ZNF407: variants seen among roughly 807,000 people sequenced by gnomAD.
The protein encoded by ZNF407 is zinc finger protein 407.
Under a neutral mutation model 131.2 loss-of-function variants are expected in ZNF407, and 17 were observed. That is an observed-to-expected ratio of 0.13 (90% CI 0.09 to 0.19). The LOEUF (loss-of-function observed/expected upper bound fraction) is 0.19, where lower values mean the gene tolerates loss of function less well. Among genes scored for constraint, ZNF407 ranks in the 10% least tolerant of loss-of-function variants. The pLI is 1.00. For missense variants in ZNF407, 2,681 were observed against 2,830.6 expected (o/e 0.95, Z 1.20); for synonymous variants, 1,156 against 1,062.0 (o/e 1.09, Z -1.72).
intron 3 of ZNF407, among the ~76,000 whole-genome samples, chr18:74,676,161 G>C (rs939572268): frequency 1.3e-5 from 2 of 151,300 alleles, no homozygotes; most frequent in South Asian, 4.2e-4. Flanking sequence ...GCACGATCTC[G>C]GCTCACTGCA....
chr18:74,706,073 T>C (rs745772048), intron 3 of ZNF407, among the ~76,000 whole-genome samples: 7 of 152,212 alleles, frequency 4.6e-5, no homozygotes, highest in Non-Finnish European at 8.8e-5. Flanking sequence ...CATATACATA[T>C]CAGTGCACTG....
chr18:74,810,823 T>G (rs1347154154), intron 4 of ZNF407, among the ~76,000 whole-genome samples: 1 of 152,136 alleles, frequency 6.6e-6, no homozygotes, highest in Non-Finnish European at 1.5e-5. Flanking sequence ...ACTGGATCCC[T>G]TCCTTACACC....
chr18:74,868,630 C>T (rs1396970610), intron 4 of ZNF407, among the ~76,000 whole-genome samples: 1 of 152,222 alleles, frequency 6.6e-6, no homozygotes, highest in Non-Finnish European at 1.5e-5. Flanking sequence ...GGTTGGCTCA[C>T]TGCTCTTGCA....
At chr18:74,823,185 C>T (rs529872435) in intron 4 of ZNF407, among the ~76,000 whole-genome samples, 7 of 152,258 alleles carry the variant, frequency 4.6e-5, no homozygotes, top group African/African-American at 1.4e-4. Context: ...ACCACCAGGG[C>T]TGCCTTACAA....
intron 4 of ZNF407, among the ~76,000 whole-genome samples, chr18:74,863,477 T>A: frequency 6.6e-6 from 1 of 152,028 alleles, no homozygotes; most frequent in East Asian, 1.9e-4. Flanking sequence ...AGTTCTTAGC[T>A]CTTTTGTTTT....
At chr18:74,660,493 T>C (rs1399768587) in intron 3 of ZNF407, among the ~76,000 whole-genome samples, 1 of 152,136 alleles carries the variant, frequency 6.6e-6, no homozygotes, top group South Asian at 2.1e-4. Flanking sequence ...CCAAGTAATA[T>C]CTAGTGACCT....
chr18:74,822,028 A>G (rs1198494081), intron 4 of ZNF407, among the ~76,000 whole-genome samples: 1 of 152,026 alleles, frequency 6.6e-6, no homozygotes, highest in Non-Finnish European at 1.5e-5. Context: ...ACCAGTGAGG[A>G]TGAGCTTTTT....
intron 8 of ZNF407, among the ~76,000 whole-genome samples, chr18:74,952,579 G>C (rs2145281143): frequency 6.6e-6 from 1 of 152,342 alleles, no homozygotes; most frequent in South Asian, 2.1e-4. Context: ...GAAAGAGGAA[G>C]ACAACCAGAG....
chr18:74,830,639 ATGTAATGTATGGCGTATGTATGG>A (rs1970469352), intron 4 of ZNF407, among the ~76,000 whole-genome samples: 1 of 152,106 alleles, frequency 6.6e-6, no homozygotes, highest in African/African-American at 2.4e-5. Context: ...TGATGTTTTG[ATGTAATGTATGGCGTATGTATGG>A]TGTAATGTAT....
Position 75,013,165 on chromosome 18 carries a change from G to A in ZNF407, c.5429-49985G>A, listed in dbSNP as rs60050414. ...AGATCGCCTGCGTGGGAGTCAGGAT[G>A]CATATTTAATGCCTGATTTAAAAAG... On this transcript the variant is annotated intron_variant, in intron 8 of 8. Transcript: ENST00000299687. Among the ~76,000 whole-genome samples, 460 of 152,208 alleles carry A rather than the reference G, an allele frequency of 3.0e-3. 4 individuals are homozygous for A. Among genetic ancestry groups the A allele is most frequent in the African/African-American group, 0.011 (438 of 41,534 alleles).
chr18:74,891,814 CCTTACCT>C (rs1234767941), intron 7 of ZNF407, among the ~76,000 whole-genome samples: 2 of 152,072 alleles, frequency 1.3e-5, no homozygotes, highest in Non-Finnish European at 2.9e-5. Context: ...TAATTTTCAC[CCTTACCT>C]CTTAGGATTA....
chr18:74,952,724 A>G (rs78794845), intron 8 of ZNF407, among the ~76,000 whole-genome samples: 5,604 of 152,332 alleles, frequency 0.037, 374 homozygotes, highest in African/African-American at 0.13. Flanking sequence ...TTTAAAGTGT[A>G]CAGTGTGATG....
intron 3 of ZNF407, among the ~76,000 whole-genome samples, chr18:74,664,650 TG>T (rs1367140179): frequency 1.3e-5 from 2 of 152,204 alleles, no homozygotes; most frequent in Non-Finnish European, 2.9e-5. Flanking sequence ...TTAAAAATCC[TG>T]GTATTGGTGA....
At chr18:74,786,663 G>C (rs1969718953) in intron 4 of ZNF407, among the ~76,000 whole-genome samples, 1 of 151,502 alleles carries the variant, frequency 6.6e-6, no homozygotes, top group Non-Finnish European at 1.5e-5. Context: ...ATGACGTACT[G>C]CTTTTGCATG....
At chr18:75,042,211 T>C (rs1047556654) in intron 8 of ZNF407, among the ~76,000 whole-genome samples, 1 of 152,158 alleles carries the variant, frequency 6.6e-6, no homozygotes, top group Non-Finnish European at 1.5e-5. Context: ...AGCCTTCTCA[T>C]TTCTGTAACA....
chr18:74,812,684 A>C (rs77310124), intron 4 of ZNF407, among the ~76,000 whole-genome samples: 1,722 of 152,184 alleles, frequency 0.011, 33 homozygotes, highest in African/African-American at 0.038. Flanking sequence ...CTCTCTCTGT[A>C]CTACCTCTGC....
intron 4 of ZNF407, among the ~76,000 whole-genome samples, chr18:74,868,250 C>CA (rs1971040414): frequency 6.6e-6 from 1 of 152,134 alleles, no homozygotes; most frequent in Admixed American, 6.5e-5. Flanking sequence ...ATTACTTGGC[C>CA]ACATGTTAGA....
intron 8 of ZNF407, among the ~76,000 whole-genome samples, chr18:75,039,024 C>G (rs1427945581): frequency 6.6e-6 from 1 of 152,202 alleles, no homozygotes; most frequent in Non-Finnish European, 1.5e-5. Context: ...ATTTTGTTGT[C>G]AGCTTGTGAT....
intron 7 of ZNF407, among the ~76,000 whole-genome samples, chr18:74,919,414 A>G (rs1355456660): frequency 6.6e-6 from 1 of 152,208 alleles, no homozygotes; most frequent in Non-Finnish European, 1.5e-5. Context: ...TCTGCAGTGC[A>G]CTGTGAGATG....
Sources: gnomAD v4.1 joint callset for allele counts (sites outside exome capture counted in the v4.1 genomes callset) on GRCh38, gnomAD v4.1.1 for gene constraint, MANE v1.5 for transcripts, NCBI Gene and HGNC (gene_info 2026-07-23, HGNC 2026-07-21) for gene names.